Variants in LIMCH1 observed in about 807,000 individuals in gnomAD.
LIMCH1 encodes the protein LIM and calponin homology domains 1.
A neutral mutation model predicts 176.5 loss-of-function variants in LIMCH1; 113 were observed. The observed-to-expected ratio is 0.64, with a 90% CI of 0.55 to 0.75. The LOEUF is 0.75. LIMCH1 is among the 30% of genes least tolerant of loss of function. The pLI is 0.00. For synonymous variants in LIMCH1, 619 were observed against 645.9 expected, an observed-to-expected ratio of 0.96 and a Z score of 0.63; for missense variants, 1,674 against 1,814.9, an observed-to-expected ratio of 0.92 and a Z score of 1.41.
chr4:41,576,557 C>T (rs1040083136), intron 1 of LIMCH1, among the ~76,000 whole-genome samples: 14 of 152,106 alleles, frequency 9.2e-5, no homozygotes, highest in African/African-American at 3.4e-4. Flanking sequence ...CCTAAGTGTC[C>T]ATCAACAGAG....
rs2054706407 is a variant in LIMCH1, at chr4:41,375,978, C to G, written c.96+15042C>G. On this transcript the variant is annotated intron_variant, in intron 1 of 26. Coordinates refer to the LIMCH1 transcript ENST00000313860. ...TTTCTTGGATTTGACAAAATAGTTT[C>G]ATACAGAACAGCAAAATGAAGTATG... is the stretch of plus-strand genomic sequence containing the variant. Among the ~76,000 whole-genome samples the G allele has an allele frequency of 2.0e-5, 3 of 152,296 alleles. No individual in the cohort carries two copies. The South Asian group carries it at 6.2e-4, about 32-fold the overall frequency.
intron 1 of LIMCH1, among the ~76,000 whole-genome samples, chr4:41,450,424 T>A (rs2063736191): frequency 6.6e-6 from 1 of 152,098 alleles, no homozygotes; most frequent in South Asian, 2.1e-4. Context: ...TAGTTGGCAC[T>A]TCATGAGCGT....
rs763576901 is a variant in LIMCH1, at chr4:41,620,486, C to G, written c.521C>G (p.Ala174Gly). Residue 174 changes from alanine to glycine, a missense_variant, in exon 7 of 32, where the codon GCT becomes GGT. Around this residue, in one of 3 missense-constraint regions of LIMCH1, gnomAD observed 655 missense variants for 692.2 expected, o/e 0.95. Coordinates refer to ENST00000503057, the MANE Select transcript of LIMCH1 (RefSeq NM_001330672.2). ...EVGSAGEDNP[A>G]GQMNPGWKPS... Reference sequence around the variant, plus strand: ...GGGTCTGCTGGTGAAGACAACCCAGCTGGCCAAATGAATCCTGGTTGGAAG... The same window carrying G: ...GGGTCTGCTGGTGAAGACAACCCAGGTGGCCAAATGAATCCTGGTTGGAAG... 9 of 1,536,320 alleles carry G rather than the reference C, an allele frequency of 5.9e-6. No homozygotes were observed. In the South Asian group the frequency reaches 1.1e-4, roughly 18 times the overall value.
Position 41,407,366 on chromosome 4 carries a change from C to CT in LIMCH1, c.96+46431dup, listed in dbSNP as rs1446094872. 1.6e-4 allele frequency among the ~76,000 whole-genome samples: 24 copies of CT among 152,154 alleles called. 1 individual carries two copies. Among genetic ancestry groups the CT allele is most frequent in the Admixed American group, 1.6e-3 (24 of 15,284 alleles). On this transcript the variant is annotated intron_variant, in intron 1 of 26. Transcript: ENST00000313860. ...ACCTCAGCCACCTGAGTCGCTAGGA[C>CT]TATGGGCATTTGCCACCATGCCTGG...
chr4:41,699,596 G>A lies in LIMCH1; in HGVS notation c.*2411G>A, dbSNP rs778879342. 1.3e-5 allele frequency: 2 copies of A among 151,984 alleles called. No individual in the cohort carries two copies. Among genetic ancestry groups the A allele is most frequent in the Non-Finnish European group, 2.9e-5 (2 of 68,018 alleles). 9.4% of individuals were successfully genotyped at this position (151,984 alleles called of 1,614,324 possible). ...AAAAAAAAATGCTCTGCTCCATTGA[G>A]CTATAATGTAAATGTGTTTGTTTAA... is the stretch of plus-strand genomic sequence containing the variant. On this transcript the variant is annotated 3_prime_UTR_variant, in exon 32 of 32. Coordinates refer to ENST00000503057, the MANE Select transcript of LIMCH1 (RefSeq NM_001330672.2).
At chr4:41,620,715 C>A in intron 7 of LIMCH1, 25 bp downstream of exon 7, 2 of 1,511,772 alleles carry the variant, frequency 1.3e-6, no homozygotes, top group South Asian at 1.2e-5. Context: ...GAGGGCTGGC[C>A]CGGCTGGCTT....
chr4:41,360,698 T>C (rs2051845994), upstream of LIMCH1: 2 of 436,472 alleles, frequency 4.6e-6, no homozygotes, highest in African/African-American at 4.2e-5. The surrounding 1 kb of genome is among the most constrained non-coding windows in gnomAD (Gnocchi z 4.5). Context: ...CGCGCGGCTC[T>C]CCCGGGACCT....
intron 1 of LIMCH1, among the ~76,000 whole-genome samples, chr4:41,550,684 G>C (rs1367161078): frequency 6.6e-6 from 1 of 152,184 alleles, no homozygotes. Context: ...ATCTTGATAT[G>C]AGTGAGTGTA....
chr4:41,588,359 T>C (rs1339684306), intron 1 of LIMCH1, among the ~76,000 whole-genome samples: 1 of 151,814 alleles, frequency 6.6e-6, no homozygotes, highest in South Asian at 2.1e-4. Flanking sequence ...TGGAAGGAAG[T>C]AGAGGAGGCT....
chr4:41,600,652 A>G (rs1032711620), intron 2 of LIMCH1, among the ~76,000 whole-genome samples: 4 of 152,172 alleles, frequency 2.6e-5, no homozygotes, highest in Non-Finnish European at 4.4e-5. Context: ...GCTGCTCACT[A>G]GATCTGAAGC....
At chr4:41,389,413 G>C (rs1156345368) in intron 1 of LIMCH1, 1 of 194,108 alleles carries the variant, frequency 5.2e-6, no homozygotes, top group Non-Finnish European at 1.1e-5. Flanking sequence ...TATCACTTTT[G>C]ATGAGATTGT....
At chr4:41,414,512 T>C (rs2059756309) in intron 1 of LIMCH1, among the ~76,000 whole-genome samples, 1 of 152,212 alleles carries the variant, frequency 6.6e-6, no homozygotes. Flanking sequence ...TAATGCACTT[T>C]GACTTGGCCG....
At chr4:41,636,473 G>A (rs2093599612) in intron 13 of LIMCH1, among the ~76,000 whole-genome samples, 1 of 150,796 alleles carries the variant, frequency 6.6e-6, no homozygotes, top group South Asian at 2.1e-4. Flanking sequence ...TTAAGTTGGT[G>A]CCCTTTTAAA....
chr4:41,535,644 C>A (rs372748854), upstream of LIMCH1, among the ~76,000 whole-genome samples: 1 of 152,110 alleles, frequency 6.6e-6, no homozygotes, highest in African/African-American at 2.4e-5. Flanking sequence ...GTTCAAGATA[C>A]GAATTGGGGG....
rs181973837 is a variant in LIMCH1, at chr4:41,427,675, G to A, written c.96+66739G>A. On this transcript the variant is annotated intron_variant, in intron 1 of 26. Transcript: ENST00000313860. ...TTTAACAAAGGAGCTTTTGCCAGGA[G>A]ACCTTTGCACTCTTGCTTATTCAAA... Among the ~76,000 whole-genome samples, 16 of 152,282 alleles carry A rather than the reference G, an allele frequency of 1.1e-4. No homozygotes were observed. The East Asian group carries it at 3.1e-3, about 29-fold the overall frequency.
chr4:41,678,238 T>A (rs1337132575), intron 23 of LIMCH1, among the ~76,000 whole-genome samples: 2 of 151,868 alleles, frequency 1.3e-5, no homozygotes, highest in Non-Finnish European at 2.9e-5. Context: ...TTCTTTTCTT[T>A]TTTTTTTTCC....
chr4:41,401,776 T>G (rs1460354030), intron 1 of LIMCH1, among the ~76,000 whole-genome samples: 1 of 152,178 alleles, frequency 6.6e-6, no homozygotes, highest in African/African-American at 2.4e-5. Flanking sequence ...TCCTAAGTAT[T>G]TTATTCTATT....
intron 4 of LIMCH1, among the ~76,000 whole-genome samples, chr4:41,606,349 T>C (rs1427464122): frequency 6.6e-6 from 1 of 152,204 alleles, no homozygotes; most frequent in African/African-American, 2.4e-5. Flanking sequence ...TGCAGTATTA[T>C]GCAAAAATGA....
At chr4:41,381,047 T>C (rs1337940512) in intron 1 of LIMCH1, among the ~76,000 whole-genome samples, 1 of 152,238 alleles carries the variant, frequency 6.6e-6, no homozygotes, top group African/African-American at 2.4e-5. Context: ...ATTTATTCAA[T>C]AAACAGATCT....
Sources: gnomAD v4.1 joint callset for allele counts (sites outside exome capture counted in the v4.1 genomes callset) on GRCh38, gnomAD v4.1.1 for gene constraint, gnomAD v4.1.1 regional missense constraint, Gnocchi (gnomAD v3.1) non-coding constraint, MANE v1.5 for transcripts, NCBI Gene and HGNC (gene_info 2026-07-23, HGNC 2026-07-21) for gene names.